PCDH15: variants seen among roughly 807,000 people sequenced by gnomAD.
PCDH15 encodes protocadherin related 15.
Under a neutral mutation model 178.5 loss-of-function variants are expected in PCDH15, and 129 were observed. The observed-to-expected ratio is 0.72, with a 90% CI of 0.63 to 0.84. The LOEUF is 0.84. PCDH15 is among the 40% of genes least tolerant of loss of function. The pLI, the probability that PCDH15 is intolerant of heterozygous loss-of-function variation, is 0.00. For synonymous variants in PCDH15, 800 were observed against 732.0 expected (o/e 1.09, Z -1.50); for missense variants, 2,230 against 2,099.9 (o/e 1.06, Z -1.21).
chr10:54,514,719 C>T (rs1292401878), intron 3 of PCDH15, among the ~76,000 whole-genome samples: 1 of 145,306 alleles, frequency 6.9e-6, no homozygotes, highest in Non-Finnish European at 1.5e-5. Context: ...CATTGTGAAA[C>T]ATTATTTCAA....
intron 11 of PCDH15, among the ~76,000 whole-genome samples, chr10:54,186,554 A>G (rs148543710): frequency 6.6e-6 from 1 of 152,164 alleles, no homozygotes; most frequent in African/African-American, 2.4e-5. Flanking sequence ...TGTATTCATA[A>G]TATCTCATTC....
intron 1 of PCDH15, among the ~76,000 whole-genome samples, chr10:54,788,144 A>T (rs1212925587): frequency 6.6e-6 from 1 of 151,852 alleles, no homozygotes; most frequent in African/African-American, 2.4e-5. Flanking sequence ...AAGGGGATAG[A>T]ATTAACAGGA....
At chr10:54,228,666 G>A (rs1289022383) in intron 9 of PCDH15, among the ~76,000 whole-genome samples, 1 of 152,130 alleles carries the variant, frequency 6.6e-6, no homozygotes, top group Non-Finnish European at 1.5e-5. Context: ...ATGTTTGATG[G>A]CAGGAGAAGA....
intron 8 of PCDH15, among the ~76,000 whole-genome samples, chr10:54,302,150 T>C (rs949081597): frequency 6.6e-6 from 1 of 152,194 alleles, no homozygotes; most frequent in Admixed American, 6.5e-5. Context: ...TTCAAATAAA[T>C]TATTTCAAGA....
At chr10:54,374,220 C>A (rs1367360483) in intron 4 of PCDH15, among the ~76,000 whole-genome samples, 2 of 151,862 alleles carry the variant, frequency 1.3e-5, no homozygotes, top group Admixed American at 1.3e-4. Context: ...ATGCAAGATA[C>A]AAGGTGGAGA....
chr10:53,992,034 T>G (rs920228004), intron 21 of PCDH15, among the ~76,000 whole-genome samples: 1 of 151,850 alleles, frequency 6.6e-6, no homozygotes, highest in Non-Finnish European at 1.5e-5. Flanking sequence ...ACTGTTTGGG[T>G]CCATACTGCC....
chr10:55,069,310 G>A (rs941381593), intron 2 of PCDH15, among the ~76,000 whole-genome samples: 11 of 145,802 alleles, frequency 7.5e-5, no homozygotes, highest in African/African-American at 2.8e-4. Flanking sequence ...AAGTTTTAGG[G>A]TACATGTGCA....
intron 2 of PCDH15, among the ~76,000 whole-genome samples, chr10:54,593,190 T>C (rs1172556775): frequency 2.0e-5 from 3 of 152,200 alleles, no homozygotes; most frequent in African/African-American, 7.2e-5. Context: ...ATTCCACTTC[T>C]ATACTTTTGT....
intron 2 of PCDH15, among the ~76,000 whole-genome samples, chr10:55,116,624 T>C (rs1486206835): frequency 1.3e-5 from 2 of 152,144 alleles, no homozygotes; most frequent in African/African-American, 4.8e-5. Context: ...GTGATTCTGC[T>C]ACTTAGGAAA....
intron 2 of PCDH15, among the ~76,000 whole-genome samples, chr10:55,377,541 G>A (rs967122065): frequency 2.0e-5 from 3 of 151,618 alleles, no homozygotes; most frequent in African/African-American, 7.3e-5. Context: ...TAGTAAAATA[G>A]CTTGCTATAT....
At chr10:54,838,807 C>T (rs1485514740) in intron 3 of PCDH15, among the ~76,000 whole-genome samples, 1 of 152,142 alleles carries the variant, frequency 6.6e-6, no homozygotes, top group African/African-American at 2.4e-5. Context: ...TTGGCGCCAG[C>T]CCCTCTCAGC....
chr10:54,747,164 CATT>C (rs1016235992), intron 1 of PCDH15, among the ~76,000 whole-genome samples: 2 of 152,172 alleles, frequency 1.3e-5, no homozygotes, highest in African/African-American at 4.8e-5. Flanking sequence ...GAAAAACCAT[CATT>C]GTTTTTACAA....
chr10:55,584,576 A>G (rs1261578979), intron 2 of PCDH15, among the ~76,000 whole-genome samples: 2 of 149,052 alleles, frequency 1.3e-5, no homozygotes, highest in Non-Finnish European at 3.0e-5. Flanking sequence ...AAAATTACTT[A>G]AACTCCGGGA....
chr10:55,261,283 C>T (rs968355023), intron 1 of PCDH15, among the ~76,000 whole-genome samples: 2 of 151,998 alleles, frequency 1.3e-5, no homozygotes, highest in Admixed American at 1.3e-4. Context: ...CATAATAATC[C>T]TACTGTGTTA....
chr10:55,279,344 G>A (rs1306800320), intron 1 of PCDH15, among the ~76,000 whole-genome samples: 2 of 152,140 alleles, frequency 1.3e-5, no homozygotes, highest in Non-Finnish European at 2.9e-5. Context: ...GAAAAGTACA[G>A]CAAGGACACA....
intron 1 of PCDH15, among the ~76,000 whole-genome samples, chr10:54,768,655 A>T (rs1435741770): frequency 2.0e-5 from 3 of 152,188 alleles, no homozygotes; most frequent in African/African-American, 7.2e-5. Flanking sequence ...TGACTCTTAC[A>T]GCAAATTCTC....
chr10:54,809,287 A>G (rs1046001143), intron 3 of PCDH15, among the ~76,000 whole-genome samples: 6 of 152,248 alleles, frequency 3.9e-5, no homozygotes, highest in Non-Finnish European at 1.5e-5. Flanking sequence ...TTTATAGATT[A>G]AATAAAGGAA....
rs373232361 is a variant in PCDH15 at position 54,905,386 on chromosome 10, A to G, written c.-79-7886T>C. Among the ~76,000 whole-genome samples the G allele has an allele frequency of 1.2e-4, 19 of 152,250 alleles. No homozygotes were observed. The East Asian group carries it at 3.5e-3, about 28-fold the overall frequency. ...AATGTATAAAATCCTGGCATAGCCAATGAATTTGTTTGATAAATTATGAGA... is the reference window on the plus strand; with the variant it reads ...AATGTATAAAATCCTGGCATAGCCAGTGAATTTGTTTGATAAATTATGAGA... On this transcript the variant is annotated intron_variant, in intron 2 of 5. Transcript: ENST00000458638.
chr10:54,198,294 G>A (rs2049874459), intron 10 of PCDH15, among the ~76,000 whole-genome samples: 1 of 151,916 alleles, frequency 6.6e-6, no homozygotes, highest in African/African-American at 2.4e-5. Context: ...TAGAGTCTAC[G>A]CCTGGAAAAC....
Sources: gnomAD v4.1 joint callset for allele counts (sites outside exome capture counted in the v4.1 genomes callset) on GRCh38, gnomAD v4.1.1 for gene constraint, MANE v1.5 for transcripts, NCBI Gene and HGNC (gene_info 2026-07-23, HGNC 2026-07-21) for gene names.